The following ZGRF1 variants were observed in gnomAD, a reference collection of about 807,000 sequenced individuals.
ZGRF1 encodes the protein zinc finger GRF-type containing 1, also known as 5'-3' DNA helicase ZGRF1.
In ZGRF1, 196 loss-of-function variants were observed where a neutral mutation model predicts 203.5. The ratio of observed to expected loss-of-function variants is 0.96; its 90% CI spans 0.86 to 1.08. The LOEUF (loss-of-function observed/expected upper bound fraction) is 1.08. ZGRF1 is among the 50% of genes least tolerant of loss of function. The pLI, the probability that ZGRF1 is intolerant of heterozygous loss-of-function variation, is 0.00. For synonymous variants in ZGRF1, 809 were observed against 841.3 expected (o/e 0.96, Z 0.66); for missense variants, 2,326 against 2,416.3 (o/e 0.96, Z 0.78).
rs376607599 is a variant in ZGRF1 at position 112,570,281 on chromosome 4, C to T, written c.4439-7007G>A. 2.5e-4 allele frequency among the ~76,000 whole-genome samples: 38 copies of T among 152,240 alleles called. No homozygotes were observed. In the East Asian group the frequency reaches 5.2e-3, roughly 21 times the overall value. The stretch of plus-strand genomic sequence containing the variant: ...ATATCACTTCTCAGTCTTTTGGCTA[C>T]AATCAAGTGTACAAAAACCTTAGTA... On this transcript the variant is annotated intron_variant, in intron 16 of 27. Transcript: ENST00000505019.
At chr4:112,602,847 T>G (rs2149093112) in intron 10 of ZGRF1, among the ~76,000 whole-genome samples, 1 of 152,244 alleles carries the variant, frequency 6.6e-6, no homozygotes, top group Non-Finnish European at 1.5e-5. Context: ...TAATAGATGG[T>G]TATAAGTCAA....
In ZGRF1 at chr4:112,618,158, A is replaced by G; in HGVS notation, c.1884T>C (p.Thr628=). The change falls in exon 6 of 28, where the codon ACT becomes ACC. Residue 628 remains threonine (T), a synonymous_variant. Transcript: ENST00000505019. ...YVGFDMGICK[T]ENTGKEIEEY... ...CCTCTATTTCTTTTCCTGTGTTTTCAGTTTTACATATTCCCATGTCAAAAC... is the reference window on the plus strand; with the variant it reads ...CCTCTATTTCTTTTCCTGTGTTTTCGGTTTTACATATTCCCATGTCAAAAC... 6.2e-7 allele frequency: 1 copy of G among 1,613,622 alleles called. No homozygotes were observed. Among genetic ancestry groups the G allele is most frequent in the Non-Finnish European group, 8.5e-7 (1 of 1,179,798 alleles).
intron 3 of ZGRF1, among the ~76,000 whole-genome samples, chr4:112,630,375 G>A (rs925934023): frequency 4.0e-5 from 6 of 151,640 alleles, no homozygotes; most frequent in Admixed American, 2.0e-4. Flanking sequence ...AAAAGTAGCT[G>A]AGCATGGTTG....
chr4:112,558,410 C>G (rs367944725), intron 19 of ZGRF1, 101 bp from the exon 20 acceptor site: 1 of 981,030 alleles, frequency 1.0e-6, no homozygotes, highest in Non-Finnish European at 1.4e-6. Context: ...CTCTGTCACC[C>G]AGGCTGGAGT....
At chr4:112,615,002 A>G (rs532540300) in intron 6 of ZGRF1, among the ~76,000 whole-genome samples, 6 of 152,296 alleles carry the variant, frequency 3.9e-5, no homozygotes, top group African/African-American at 1.4e-4. Flanking sequence ...TATATTAAAT[A>G]AGGTTCTTTA....
intron 10 of ZGRF1, among the ~76,000 whole-genome samples, chr4:112,598,652 T>C (rs1321149809): frequency 6.6e-6 from 1 of 151,962 alleles, no homozygotes; most frequent in Non-Finnish European, 1.5e-5. Flanking sequence ...TAAAATAATG[T>C]TTTTATTAAT....
chr4:112,552,847 C>T (rs1373407773), intron 22 of ZGRF1, among the ~76,000 whole-genome samples: 1 of 152,150 alleles, frequency 6.6e-6, no homozygotes, highest in African/African-American at 2.4e-5. Flanking sequence ...GTGACCTGTG[C>T]AAATGGAATG....
chr4:112,563,017 T>C (rs758460667), intron 17 of ZGRF1, 114 bp downstream of exon 17: 9 of 748,516 alleles, frequency 1.2e-5, no homozygotes, highest in Non-Finnish European at 1.7e-5. Flanking sequence ...GAACTCACTG[T>C]ACACAACAGT....
rs1389500757 is a variant in ZGRF1 at position 112,616,342 on chromosome 4, A to G, written c.2602+1098T>C. Among the ~76,000 whole-genome samples the G allele has an allele frequency of 1.6e-4, 23 of 141,684 alleles. No homozygotes were observed. In the Admixed American group the frequency reaches 1.7e-3, roughly 11 times the overall value. 93.0% of individuals were successfully genotyped at this position (141,684 alleles called of 152,430 possible). A position where few individuals can be genotyped will look rare whatever the true frequency, so the allele number is the denominator to read the frequency against. ...CAAGACCAACGTGGCCAACATGGTG[A>G]AACCCCATCTCTACTAAAAATACAA... On this transcript the variant is annotated intron_variant, in intron 6 of 27. Coordinates refer to ENST00000505019, the MANE Select transcript of ZGRF1 (RefSeq NM_018392.5).
At chr4:112,633,672 G>A (rs760923768) in intron 1 of ZGRF1, among the ~76,000 whole-genome samples, 3 of 152,196 alleles carry the variant, frequency 2.0e-5, no homozygotes, top group Admixed American at 6.5e-5. Flanking sequence ...CAGTATCTAG[G>A]ACCAATTACA....
At chr4:112,593,366 C>A (rs542783120) in intron 10 of ZGRF1, among the ~76,000 whole-genome samples, 1 of 152,212 alleles carries the variant, frequency 6.6e-6, no homozygotes, top group Non-Finnish European at 1.5e-5. Flanking sequence ...TCAAAGCATT[C>A]TCTTAACTGG....
chr4:112,563,055 G>T, intron 17 of ZGRF1, 76 bp downstream of exon 17: 3 of 1,279,036 alleles, frequency 2.3e-6, no homozygotes, highest in Middle Eastern at 2.8e-4. Flanking sequence ...CCTTTTTGTT[G>T]GCTTTAATCA....
chr4:112,549,108 C>A (rs1739395182), intron 22 of ZGRF1, among the ~76,000 whole-genome samples: 2 of 124,836 alleles, frequency 1.6e-5, no homozygotes, highest in African/African-American at 5.6e-5. Context: ...AGCGAGACTC[C>A]GTCTCAAAAA....
chr4:112,619,336 C>G lies in ZGRF1; in HGVS notation c.706G>C (p.Asp236His). The G allele has an allele frequency of 6.2e-7, 1 of 1,612,516 alleles. No individual in the cohort carries two copies. The change falls in exon 6 of 28, where the codon GAT becomes CAT. Residue 236 changes from aspartate (D) to histidine (H), a missense_variant. Transcript: ENST00000505019. ...CCTGAATAGTGAGATGCCAAACTAT[C>G]TCTTTTCACAGGCTCATTGGTCAGT... ...SLLTNEPVKRDSLASHYSGVS... is the reference protein window; with the variant it reads ...SLLTNEPVKRHSLASHYSGVS...
intron 8 of ZGRF1, among the ~76,000 whole-genome samples, chr4:112,608,845 C>T (rs1751152647): frequency 6.6e-6 from 1 of 151,948 alleles, no homozygotes; most frequent in African/African-American, 2.4e-5. Context: ...GTCAATGACC[C>T]ATGGGTTTGG....
Position 112,618,783 on chromosome 4 carries a change from C to T in ZGRF1, c.1259G>A (p.Ser420Asn), listed in dbSNP as rs1422879945. 1 of 1,612,158 alleles carries T rather than the reference C, an allele frequency of 6.2e-7. No individual in the cohort carries two copies. The highest frequency in any genetic ancestry group is 1.7e-5 in the Admixed American group (1 of 60,006). Residue 420 changes from serine (S) to asparagine (N), a missense_variant, in exon 6 of 28, where the codon AGC becomes AAC. Physicochemically the swap from Ser to Asn is conservative, Grantham distance 46. Coordinates refer to ENST00000505019, the MANE Select transcript of ZGRF1 (RefSeq NM_018392.5). ...TAATATACCATCATTTTCTGCACTGCTACAAGTAACCTGTAAGCTACTGCT... is the reference window on the plus strand; with the variant it reads ...TAATATACCATCATTTTCTGCACTGTTACAAGTAACCTGTAAGCTACTGCT... ...NESSSLQVTC[S>N]SAENDGILSE... is the part of the protein sequence containing the mutation.
rs1747452593 is a variant in ZGRF1, at chr4:112,587,709, C to A, written c.3348G>T (p.Glu1116Asp). 4.4e-6 allele frequency: 7 copies of A among 1,596,818 alleles called. No homozygotes were observed. The South Asian group carries it at 7.8e-5, about 18-fold the overall frequency. The change falls in exon 12 of 28, where the codon GAG (glutamate) becomes GAT (aspartate). Residue 1116 changes from glutamate to aspartate, a missense_variant. Transcript: ENST00000505019. ...CAGAGAAAAAGGTTTCATTTTGGTC[C>A]TCAGGCTCAATGCTAAACGAAAGAA... ...SAVLSFSIEP[E>D]DQNETFFSEE...
At chr4:112,634,463 A>C (rs576969121) in intron 1 of ZGRF1, among the ~76,000 whole-genome samples, 1 of 152,198 alleles carries the variant, frequency 6.6e-6, no homozygotes, top group East Asian at 1.9e-4. Flanking sequence ...CAGCCTGGCC[A>C]ACATGGTGAA....
chr4:112,635,518 G>C (rs956574278), intron 1 of ZGRF1, among the ~76,000 whole-genome samples: 5 of 151,572 alleles, frequency 3.3e-5, no homozygotes, highest in African/African-American at 1.2e-4. Flanking sequence ...TCAAACTCCT[G>C]GGCTCAAGCA....
Sources: gnomAD v4.1 joint callset for allele counts (sites outside exome capture counted in the v4.1 genomes callset) on GRCh38, gnomAD v4.1.1 for gene constraint, MANE v1.5 for transcripts, NCBI Gene and HGNC (gene_info 2026-07-23, HGNC 2026-07-21) for gene names.